The following CYTH3 variants were observed in gnomAD, a reference collection of about 807,000 sequenced individuals.
CYTH3 encodes the protein cytohesin 3.
Under a neutral mutation model 55.1 loss-of-function variants are expected in CYTH3, and 23 were observed. The ratio of observed to expected loss-of-function variants is 0.42; its 90% CI spans 0.30 to 0.59. The LOEUF (loss-of-function observed/expected upper bound fraction) is 0.59. Among genes scored for constraint, CYTH3 ranks in the 20% least tolerant of loss-of-function variants. CYTH3 has a pLI of 0.20. For missense variants in CYTH3, 413 were observed against 524.8 expected (o/e 0.79, Z 2.08); for synonymous variants, 249 against 194.9 (o/e 1.28, Z -2.31).
intron 1 of CYTH3, among the ~76,000 whole-genome samples, chr7:6,245,340 T>C (rs896591082): frequency 2.0e-5 from 3 of 152,114 alleles, no homozygotes; most frequent in African/African-American, 7.2e-5. Flanking sequence ...TTTGTATTCT[T>C]TTTCTGAAAG....
intron 1 of CYTH3, among the ~76,000 whole-genome samples, chr7:6,228,535 A>G (rs1779307023): frequency 6.6e-6 from 1 of 152,240 alleles, no homozygotes; most frequent in African/African-American, 2.4e-5. Context: ...GGCTGGAAGC[A>G]AAGAAACTCC....
chr7:6,211,989 A>C (rs534123044), intron 1 of CYTH3, among the ~76,000 whole-genome samples: 34 of 152,198 alleles, frequency 2.2e-4, no homozygotes, highest in African/African-American at 7.7e-4. Context: ...CTGTCTCAAA[A>C]ATAAATAAAT....
At chr7:6,229,942 C>G (rs955747825) in intron 1 of CYTH3, among the ~76,000 whole-genome samples, 2 of 152,068 alleles carry the variant, frequency 1.3e-5, no homozygotes, top group African/African-American at 4.8e-5. Context: ...CGAGACCAGC[C>G]TAGCCAACAT....
chr7:6,232,493 A>G (rs1439615537), intron 1 of CYTH3, among the ~76,000 whole-genome samples: 3 of 152,234 alleles, frequency 2.0e-5, no homozygotes, highest in Non-Finnish European at 4.4e-5. Flanking sequence ...GAAGCAAAAG[A>G]GCCAGGTCCT....
At chr7:6,172,886 C>T (rs765417502) in intron 6 of CYTH3, 9 of 1,247,246 alleles carry the variant, frequency 7.2e-6, no homozygotes, top group South Asian at 3.9e-5. Context: ...CCCACAAAAA[C>T]GCTGCCAACA....
At chr7:6,240,849 C>G (rs555598634) in intron 1 of CYTH3, among the ~76,000 whole-genome samples, 1 of 152,218 alleles carries the variant, frequency 6.6e-6, no homozygotes, top group Non-Finnish European at 1.5e-5. Flanking sequence ...GGCGCAGTAG[C>G]TCGCGCCTGT....
chr7:6,222,364 G>A (rs965633466), intron 1 of CYTH3, among the ~76,000 whole-genome samples: 6 of 152,228 alleles, frequency 3.9e-5, no homozygotes, highest in African/African-American at 1.4e-4. Flanking sequence ...CCATATCCCT[G>A]TCACAGTGAT....
chr7:6,172,314 T>C (rs1040439484), intron 6 of CYTH3, among the ~76,000 whole-genome samples: 1 of 151,622 alleles, frequency 6.6e-6, no homozygotes, highest in African/African-American at 2.4e-5. Flanking sequence ...CTGGCCCCAC[T>C]CTCTACCAGG....
intron 1 of CYTH3, among the ~76,000 whole-genome samples, chr7:6,244,869 A>G (rs1053201471): frequency 7.2e-6 from 1 of 139,064 alleles, no homozygotes; most frequent in Non-Finnish European, 1.5e-5. Context: ...GCTCACTGCA[A>G]CCTCTGCCTC....
At chr7:6,243,731 T>C (rs769517602) in intron 1 of CYTH3, among the ~76,000 whole-genome samples, 18 of 152,302 alleles carry the variant, frequency 1.2e-4, no homozygotes, top group African/African-American at 3.1e-4. Context: ...ACCCAATGAA[T>C]TGATGAAAAC....
At chr7:6,187,614 AG>A (rs1307665502) in intron 3 of CYTH3, 42 bp downstream of exon 3, 11 of 1,549,304 alleles carry the variant, frequency 7.1e-6, no homozygotes, top group Non-Finnish European at 9.8e-6. Flanking sequence ...GGAGGTAGAA[AG>A]AAAAGAGTAA....
intron 1 of CYTH3, among the ~76,000 whole-genome samples, chr7:6,259,793 A>AT (rs1424334531): frequency 2.1e-4 from 3 of 14,100 alleles, no homozygotes; most frequent in African/African-American, 3.1e-3. Flanking sequence ...TAATATATAT[A>AT]TATATATATA....
At chr7:6,257,647 T>C (rs532470605) in intron 1 of CYTH3, among the ~76,000 whole-genome samples, 4 of 152,336 alleles carry the variant, frequency 2.6e-5, no homozygotes, top group Admixed American at 6.5e-5. Context: ...ATATGGTTAA[T>C]GAATATTTAT....
intron 1 of CYTH3, among the ~76,000 whole-genome samples, chr7:6,235,521 C>T (rs1779498058): frequency 6.6e-6 from 1 of 151,370 alleles, no homozygotes; most frequent in Non-Finnish European, 1.5e-5. Flanking sequence ...TCATGCACCA[C>T]ATCTCAGCCA....
chr7:6,173,601 G>T, intron 6 of CYTH3, 52 bp downstream of exon 6: 2 of 1,182,934 alleles, frequency 1.7e-6, no homozygotes, highest in Non-Finnish European at 2.5e-6. Flanking sequence ...CCCAGGCAGT[G>T]GTCCTCTGGC....
intron 1 of CYTH3, among the ~76,000 whole-genome samples, chr7:6,260,109 G>C (rs946046806): frequency 6.6e-6 from 1 of 151,350 alleles, no homozygotes; most frequent in African/African-American, 2.4e-5. Context: ...GATTACAGGC[G>C]TGTGCCACCG....
Position 6,171,220 on chromosome 7 carries a change from C to T in CYTH3, c.544G>A (p.Gly182Arg), listed in dbSNP as rs1347589526. The part of the protein sequence containing the change: ...FASRYCLCNP[G>R]VFQSTDTCYV... ...CACTGACCTGTGGACTGGAAGACCCCGGGGTTGCACAGGCAGTAGCGAGAA... is the reference window on the plus strand; with the variant it reads ...CACTGACCTGTGGACTGGAAGACCCTGGGGTTGCACAGGCAGTAGCGAGAA... Residue 182 changes from glycine (G) to arginine (R), a missense_variant, in exon 7 of 13, where the codon GGG becomes AGG. Physicochemically the swap from Gly to Arg is moderately radical, Grantham distance 125. Transcript: ENST00000350796. The surrounding 1 kb of genome is among the most constrained non-coding windows in gnomAD (Gnocchi z 6.7). 1 of 1,614,008 alleles carries T rather than the reference C, an allele frequency of 6.2e-7. No individual in the cohort carries two copies. The highest frequency in any genetic ancestry group is 8.5e-7 in the Non-Finnish European group (1 of 1,180,006).
chr7:6,232,599 G>A (rs1392604958), intron 1 of CYTH3, among the ~76,000 whole-genome samples: 2 of 152,102 alleles, frequency 1.3e-5, no homozygotes, highest in African/African-American at 4.8e-5. Flanking sequence ...ACAAGAAACA[G>A]ACAATTTGGA....
chr7:6,231,217 G>A (rs191041945), intron 1 of CYTH3, among the ~76,000 whole-genome samples: 19 of 152,344 alleles, frequency 1.2e-4, no homozygotes, highest in South Asian at 1.2e-3. Flanking sequence ...AGTAGGGAAC[G>A]CAGCACTTAA....
Sources: gnomAD v4.1 joint callset for allele counts (sites outside exome capture counted in the v4.1 genomes callset) on GRCh38, gnomAD v4.1.1 for gene constraint, Gnocchi (gnomAD v3.1) non-coding constraint, MANE v1.5 for transcripts, NCBI Gene and HGNC (gene_info 2026-07-23, HGNC 2026-07-21) for gene names.